The following PRKG1 variants were observed in gnomAD, a reference collection of about 807,000 sequenced individuals.
PRKG1 encodes the protein cGMP-dependent protein kinase 1.
In PRKG1, 35 loss-of-function variants were observed where a neutral mutation model predicts 88.1. The observed-to-expected ratio is 0.40, with a 90% CI of 0.30 to 0.53. PRKG1 has a LOEUF of 0.53. Ranked by LOEUF, PRKG1 falls within the 20% of genes least tolerant of loss-of-function variation. PRKG1 has a pLI of 0.59. For synonymous variants in PRKG1, 303 were observed against 292.5 expected (o/e 1.04, Z -0.37); for missense variants, 540 against 839.8 (o/e 0.64, Z 4.41).
At chr10:51,534,919 A>G (rs898797581) in intron 3 of PRKG1, among the ~76,000 whole-genome samples, 1 of 152,190 alleles carries the variant, frequency 6.6e-6, no homozygotes, top group Admixed American at 6.5e-5. Flanking sequence ...TTTATTATAC[A>G]TAGATCTCTG....
chr10:51,308,711 A>G (rs984009631), intron 2 of PRKG1, among the ~76,000 whole-genome samples: 7 of 152,178 alleles, frequency 4.6e-5, no homozygotes, highest in African/African-American at 1.7e-4. Flanking sequence ...GGTGCTAGAA[A>G]AATAATACTA....
chr10:51,224,787 A>T (rs532253600), intron 2 of PRKG1, among the ~76,000 whole-genome samples: 1 of 152,144 alleles, frequency 6.6e-6, no homozygotes, highest in African/African-American at 2.4e-5. Flanking sequence ...TTTCATCATC[A>T]TGTTTATTCT....
chr10:52,226,082 T>A (rs1343612123), intron 9 of PRKG1, among the ~76,000 whole-genome samples: 3 of 151,384 alleles, frequency 2.0e-5, no homozygotes, highest in African/African-American at 7.3e-5. Context: ...AGCCAGCATC[T>A]ATAACAGTGC....
chr10:51,930,497 T>TTC (rs1842669455), intron 5 of PRKG1, among the ~76,000 whole-genome samples: 1 of 52,052 alleles, frequency 1.9e-5, no homozygotes, highest in Non-Finnish European at 4.3e-5. Flanking sequence ...TTTTTCCTCT[T>TTC]TTTTTTTTTT....
intron 2 of PRKG1, among the ~76,000 whole-genome samples, chr10:51,242,558 G>A (rs1453487202): frequency 2.0e-5 from 3 of 152,242 alleles, no homozygotes; most frequent in Non-Finnish European, 4.4e-5. Flanking sequence ...TGTCCATTTC[G>A]AGGTGAGTAA....
intron 9 of PRKG1, among the ~76,000 whole-genome samples, chr10:52,180,662 G>A (rs1050580759): frequency 3.3e-5 from 5 of 152,162 alleles, no homozygotes; most frequent in Admixed American, 6.5e-5. Context: ...AGTGATGTTC[G>A]CTAGTATCTT....
In PRKG1 at chr10:51,813,177, A is replaced by G. The variant is rs539560217; in HGVS notation, c.698+8487A>G. Among the ~76,000 whole-genome samples the G allele has an allele frequency of 9.8e-5, 15 of 152,392 alleles. No individual in the cohort carries two copies. In the East Asian group the frequency reaches 2.5e-3, roughly 25 times the overall value. Reference sequence around the variant, plus strand: ...TAAAATAAACAGCAAGTAATAAGCCATTAGCACAAAAGCATAAAGTAATAA... The same window carrying G: ...TAAAATAAACAGCAAGTAATAAGCCGTTAGCACAAAAGCATAAAGTAATAA... On this transcript the variant is annotated intron_variant, in intron 4 of 17. Coordinates refer to ENST00000373980, the MANE Select transcript of PRKG1 (RefSeq NM_006258.4).
At chr10:51,817,770 C>G (rs1839630942) in intron 4 of PRKG1, among the ~76,000 whole-genome samples, 1 of 152,124 alleles carries the variant, frequency 6.6e-6, no homozygotes, top group Admixed American at 6.6e-5. Context: ...AAATACTGAA[C>G]AGCAAGAAGT....
intron 3 of PRKG1, among the ~76,000 whole-genome samples, chr10:51,605,353 T>G (rs1355889047): frequency 6.6e-6 from 1 of 152,172 alleles, no homozygotes; most frequent in Admixed American, 6.5e-5. Flanking sequence ...GGTGGGGCCC[T>G]CATTAGGGCT....
At chr10:51,904,950 G>A (rs957947591) in intron 4 of PRKG1, among the ~76,000 whole-genome samples, 1 of 152,094 alleles carries the variant, frequency 6.6e-6, no homozygotes, top group African/African-American at 2.4e-5. Flanking sequence ...AAAATAATAG[G>A]TGTAGTATAA....
intron 5 of PRKG1, among the ~76,000 whole-genome samples, chr10:52,001,482 C>G (rs1844597298): frequency 1.3e-5 from 2 of 151,832 alleles, no homozygotes; most frequent in Middle Eastern, 6.8e-3. Flanking sequence ...ACATATACAA[C>G]TTTTTTTGTC....
At chr10:51,448,257 C>A (rs1209873786) in intron 2 of PRKG1, among the ~76,000 whole-genome samples, 2 of 151,750 alleles carry the variant, frequency 1.3e-5, no homozygotes, top group Admixed American at 6.6e-5. Flanking sequence ...CAAGAAAAAA[C>A]AAAACAAAAA....
chr10:51,421,612 G>A (rs16917772), intron 2 of PRKG1, among the ~76,000 whole-genome samples: 2 of 152,208 alleles, frequency 1.3e-5, no homozygotes, highest in African/African-American at 2.4e-5. Context: ...AACTGAACTC[G>A]CCTTTTTGTT....
intron 2 of PRKG1, among the ~76,000 whole-genome samples, chr10:51,185,787 G>T (rs911578818): frequency 1.3e-5 from 2 of 151,112 alleles, no homozygotes; most frequent in African/African-American, 4.8e-5. Context: ...TGGACATTTG[G>T]TATTTGAGTT....
chr10:51,919,262 G>A (rs1218753790), intron 5 of PRKG1, among the ~76,000 whole-genome samples: 2 of 152,106 alleles, frequency 1.3e-5, no homozygotes, highest in East Asian at 1.9e-4. Context: ...TTAGTAATGA[G>A]CATTCCTCAA....
intron 8 of PRKG1, among the ~76,000 whole-genome samples, chr10:52,144,104 A>G (rs1371267598): frequency 2.6e-5 from 4 of 152,140 alleles, no homozygotes; most frequent in Non-Finnish European, 4.4e-5. Context: ...TTGAGTAGGT[A>G]TATTACAAGT....
chr10:51,062,185 T>C (rs1017845387), intron 1 of PRKG1, among the ~76,000 whole-genome samples: 10 of 152,334 alleles, frequency 6.6e-5, no homozygotes, highest in African/African-American at 2.2e-4. Flanking sequence ...TTCAGTCTTA[T>C]TGAGTACATG....
intron 4 of PRKG1, among the ~76,000 whole-genome samples, chr10:51,898,519 C>T (rs1421830483): frequency 1.3e-5 from 2 of 151,926 alleles, no homozygotes; most frequent in African/African-American, 2.4e-5. Flanking sequence ...ATTAATTAAA[C>T]AACAATTTTT....
chr10:51,595,679 A>G (rs547537686), intron 3 of PRKG1, among the ~76,000 whole-genome samples: 3 of 151,920 alleles, frequency 2.0e-5, no homozygotes, highest in African/African-American at 7.3e-5. Context: ...TTTTTCCATA[A>G]TGAATCTGGA....
Sources: gnomAD v4.1 joint callset for allele counts (sites outside exome capture counted in the v4.1 genomes callset) on GRCh38, gnomAD v4.1.1 for gene constraint, MANE v1.5 for transcripts, NCBI Gene and HGNC (gene_info 2026-07-23, HGNC 2026-07-21) for gene names.